Variants in MAOA observed in about 807,000 individuals in gnomAD.
MAOA encodes the protein monoamine oxidase A, also known as amine oxidase [flavin-containing] A.
MAOA carries 6 observed loss-of-function variants against 42.0 expected under a neutral mutation model. The observed-to-expected ratio is 0.14, with a 90% confidence interval of 0.08 to 0.28. The LOEUF is 0.28. MAOA is among the 10% of genes least tolerant of loss of function. The probability of loss-of-function intolerance (pLI) is 1.00; values close to 1 mark genes in which losing one functional copy is unlikely to be tolerated. For synonymous variants in MAOA, 140 were observed against 154.0 expected, an observed-to-expected ratio of 0.91 and a Z score of 0.67; for missense variants, 262 against 422.3, an observed-to-expected ratio of 0.62 and a Z score of 3.33.
chrX:43,667,429 G>A (rs2033292051), intron 1 of MAOA, among the ~76,000 whole-genome samples: 1 of 111,321 alleles, frequency 9.0e-6, no homozygotes, highest in South Asian at 3.8e-4. Context: ...AATATTATTT[G>A]ATGGGTGAAT....
At chrX:43,657,944 C>T in intron 1 of MAOA, 1 of 748,452 alleles carries the variant, frequency 1.3e-6, no homozygotes, top group Non-Finnish European at 1.6e-6. Flanking sequence ...GTTGGAGCAT[C>T]AGAGGAAAGC....
intron 3 of MAOA, among the ~76,000 whole-genome samples, chrX:43,711,023 C>T (rs2033695280): frequency 9.0e-6 from 1 of 111,638 alleles, no homozygotes; most frequent in Admixed American, 9.5e-5. Context: ...GAAAGAAAAC[C>T]CACAGTCTAC....
chrX:43,709,384 T>G, intron 3 of MAOA, among the ~76,000 whole-genome samples: 1 of 111,098 alleles, frequency 9.0e-6, no homozygotes, highest in Non-Finnish European at 1.9e-5. Context: ...ATTCTTTTCT[T>G]TATGTTCCCA....
intron 2 of MAOA, among the ~76,000 whole-genome samples, chrX:43,688,028 C>G (rs1367018554): frequency 1.8e-5 from 2 of 112,250 alleles, no homozygotes; most frequent in Non-Finnish European, 3.8e-5. Flanking sequence ...GTGAGCCTTT[C>G]AAATGTAACT....
intron 5 of MAOA, among the ~76,000 whole-genome samples, chrX:43,719,745 G>A (rs2033773803): frequency 1.8e-5 from 2 of 111,072 alleles, no homozygotes; most frequent in South Asian, 7.7e-4. Flanking sequence ...AGATCCCAGA[G>A]GGAGTCAAGG....
chrX:43,665,858 G>A (rs868855550), intron 1 of MAOA, among the ~76,000 whole-genome samples: 3 of 92,152 alleles, frequency 3.3e-5, no homozygotes, highest in Non-Finnish European at 6.8e-5. Flanking sequence ...AGATAGATAG[G>A]AATGGTTTTA....
chrX:43,698,097 A>G (rs1178843494), intron 3 of MAOA, among the ~76,000 whole-genome samples: 2 of 112,310 alleles, frequency 1.8e-5, no homozygotes, highest in Non-Finnish European at 3.8e-5. Flanking sequence ...TTTTGTAAAT[A>G]ACACTGAAGT....
rs1461915590 is a variant in MAOA at position 43,737,877 on chromosome X, C to A, written c.1106+1597C>A. 3.6e-5 allele frequency among the ~76,000 whole-genome samples: 4 copies of A among 111,401 alleles called. No individual in the cohort carries two copies. In the Admixed American group the frequency reaches 3.8e-4, roughly 11 times the overall value. On this transcript the variant is annotated intron_variant, in intron 10 of 14. Coordinates refer to ENST00000338702, the MANE Select transcript of MAOA (RefSeq NM_000240.4). ...ATTTTCTTTTGGATTTCCTGCTTTC[C>A]CTCCTTATTAATAGTAAAATAAATA...
At chrX:43,732,997 C>T (rs779188745) in intron 9 of MAOA, among the ~76,000 whole-genome samples, 3 of 112,109 alleles carry the variant, frequency 2.7e-5, no homozygotes, top group Admixed American at 9.4e-5. Flanking sequence ...CTAAAATTGA[C>T]ACCATTTTGA....
At chrX:43,702,750 C>T (rs1569195846) in intron 3 of MAOA, among the ~76,000 whole-genome samples, 1 of 112,244 alleles carries the variant, frequency 8.9e-6, no homozygotes, top group Non-Finnish European at 1.9e-5. Flanking sequence ...CCATAGCTCT[C>T]CTGTAATTTG....
intron 1 of MAOA, among the ~76,000 whole-genome samples, chrX:43,674,828 A>T (rs1487731970): frequency 1.8e-5 from 2 of 110,384 alleles, no homozygotes; most frequent in Non-Finnish European, 3.8e-5. Flanking sequence ...TGTTAGTCTG[A>T]TGGGCTTCCC....
At chrX:43,717,205 G>A (rs181317998) in intron 5 of MAOA, among the ~76,000 whole-genome samples, 1 of 110,905 alleles carries the variant, frequency 9.0e-6, no homozygotes, top group Non-Finnish European at 1.9e-5. Context: ...CTAAGTCTCT[G>A]GGGGGAAACA....
At chrX:43,693,657 T>C (rs1255130991) in intron 3 of MAOA, among the ~76,000 whole-genome samples, 1 of 111,012 alleles carries the variant, frequency 9.0e-6, no homozygotes, top group Non-Finnish European at 1.9e-5. Flanking sequence ...TTGACCTTCC[T>C]CCCTGTCACC....
intron 1 of MAOA, among the ~76,000 whole-genome samples, chrX:43,666,534 C>G (rs1302405425): frequency 9.0e-6 from 1 of 111,567 alleles, no homozygotes; most frequent in East Asian, 2.8e-4. Context: ...TTGCCTTTGT[C>G]CAAGCCACCA....
At chrX:43,688,358 G>A (rs1454677622) in intron 2 of MAOA, among the ~76,000 whole-genome samples, 1 of 111,369 alleles carries the variant, frequency 9.0e-6, no homozygotes, top group East Asian at 2.8e-4. Flanking sequence ...TCACCTCACT[G>A]CAGCCACTGT....
In MAOA at chrX:43,744,179, T is replaced by G. The variant is rs753006931; in HGVS notation, c.1437+8T>G. ...CAAGAACCTGAATCAAAGGTAAGTTTGGTGACTCTGGGCACTATCTCTCCT... is the reference window on the plus strand; with the variant it reads ...CAAGAACCTGAATCAAAGGTAAGTTGGGTGACTCTGGGCACTATCTCTCCT... On this transcript the variant is annotated splice_region_variant and intron_variant, in intron 14 of 14. Transcript: ENST00000338702. 2.5e-6 allele frequency: 3 copies of G among 1,198,316 alleles called. No homozygotes were observed. In the South Asian group the frequency reaches 5.3e-5, roughly 21 times the overall value.
intron 12 of MAOA, among the ~76,000 whole-genome samples, chrX:43,743,283 G>A (rs1317797961): frequency 9.0e-6 from 1 of 111,351 alleles, no homozygotes; most frequent in Non-Finnish European, 1.9e-5. Flanking sequence ...TTTTCTTAAA[G>A]AGACACACCC....
intron 5 of MAOA, among the ~76,000 whole-genome samples, chrX:43,719,092 C>A (rs1007475412): frequency 1.8e-5 from 2 of 109,811 alleles, no homozygotes; most frequent in African/African-American, 6.7e-5. Flanking sequence ...CCTGGATGAC[C>A]CAAAGGGGAA....
rs1360419576 is a variant in MAOA at position 43,744,357 on chromosome X, C to T, written c.1438-10C>T. 8.3e-7 allele frequency: 1 copy of T among 1,210,727 alleles called. No individual in the cohort carries two copies. Among genetic ancestry groups the T allele is most frequent in the Non-Finnish European group, 1.1e-6 (1 of 894,998 alleles). ...AGTTTTTTGCTCATGATCTGTGTTC[C>T]TTCATCTAGGACGTTCCAGCGGTAG... On this transcript the variant is annotated splice_polypyrimidine_tract_variant and intron_variant, in intron 14 of 14. Coordinates refer to ENST00000338702, the MANE Select transcript of MAOA (RefSeq NM_000240.4).
Sources: gnomAD v4.1 joint callset for allele counts (sites outside exome capture counted in the v4.1 genomes callset) on GRCh38, gnomAD v4.1.1 for gene constraint, MANE v1.5 for transcripts, NCBI Gene and HGNC (gene_info 2026-07-23, HGNC 2026-07-21) for gene names.